Variants in PCDHGA7 observed in about 807,000 individuals in gnomAD.
PCDHGA7 encodes the protein protocadherin gamma subfamily A, 7, also known as protocadherin gamma-A7.
In PCDHGA7, 44 loss-of-function variants were observed where a neutral mutation model predicts 58.3. That is an observed-to-expected ratio of 0.75 (90% CI 0.59 to 0.97). The LOEUF is 0.97. PCDHGA7 is among the 50% of genes least tolerant of loss of function. PCDHGA7 has a pLI of 0.00. For synonymous variants in PCDHGA7, 516 were observed against 504.2 expected (o/e 1.02, Z -0.31); for missense variants, 1,266 against 1,188.7 (o/e 1.06, Z -0.96).
At chr5:141,456,702 C>T (rs1185842343) in intron 1 of PCDHGA7, among the ~76,000 whole-genome samples, 1 of 152,062 alleles carries the variant, frequency 6.6e-6, no homozygotes, top group Non-Finnish European at 1.5e-5. Flanking sequence ...TGGTGGCTCG[C>T]GCCTGTAATC....
Position 141,384,640 on chromosome 5 carries a change from T to C in PCDHGA7, c.1741T>C (p.Ser581Pro), listed in dbSNP as rs1780304566. Residue 581 changes from serine (S) to proline (P), a missense_variant, in exon 1 of 4, where the codon TCC becomes CCC. Ser to Pro is a moderately conservative substitution (Grantham distance 74, BLOSUM62 -1). Coordinates refer to ENST00000518325, the MANE Select transcript of PCDHGA7 (RefSeq NM_018920.4). ...GSTGMELAPR[S>P]AEPGYLVTKV... The stretch of plus-strand genomic sequence containing the variant: ...TACTGGCATGGAGCTGGCACCCCGC[T>C]CCGCAGAGCCCGGCTACCTGGTGAC... The C allele has an allele frequency of 6.2e-7, 1 of 1,613,956 alleles. No individual in the cohort carries two copies. The highest frequency in any genetic ancestry group is 1.7e-5 in the Admixed American group (1 of 60,000).
At position 141,432,247 on chromosome 5, in the gene PCDHGA7, C is replaced by G. The variant is rs139910620; in HGVS notation, c.2424+46924C>G. 61 of 1,614,264 alleles carry G rather than the reference C, an allele frequency of 3.8e-5. No homozygotes were observed. The African/African-American group carries it at 6.3e-4, about 17-fold the overall frequency. On this transcript the variant is annotated intron_variant, in intron 1 of 3. Transcript: ENST00000518325. The surrounding 1 kb of genome is among the most constrained non-coding windows in gnomAD (Gnocchi z 6.0). ...CTTATTCCCTGGCTGAGAACACCAT[C>G]CAAGGGGCAAGCCTATCGTCCTACG...
intron 1 of PCDHGA7, among the ~76,000 whole-genome samples, chr5:141,425,048 T>C (rs1590618422): frequency 6.6e-6 from 1 of 152,350 alleles, no homozygotes; most frequent in African/African-American, 2.4e-5. Flanking sequence ...AAACTGACTA[T>C]CTAGGGCTCG....
intron 1 of PCDHGA7, among the ~76,000 whole-genome samples, chr5:141,492,090 C>T (rs751238997): frequency 1.4e-4 from 21 of 152,258 alleles, no homozygotes; most frequent in Admixed American, 6.5e-5. Flanking sequence ...GCACGCTTCG[C>T]CGGTCTGTAG....
intron 1 of PCDHGA7, chr5:141,442,421 T>G (rs1288481455): frequency 1.3e-5 from 2 of 152,290 alleles, no homozygotes; most frequent in East Asian, 3.9e-4. Flanking sequence ...TGAACTTCTT[T>G]TTTGAATCCC....
intron 1 of PCDHGA7, 79 bp downstream of exon 1, chr5:141,385,402 T>A: frequency 6.7e-7 from 1 of 1,488,784 alleles, no homozygotes; most frequent in Non-Finnish European, 8.9e-7. Context: ...AACAAATGTT[T>A]TGAAAATAGG....
chr5:141,408,311 A>C (rs1467917610), intron 1 of PCDHGA7: 1 of 1,613,650 alleles, frequency 6.2e-7, no homozygotes, highest in African/African-American at 1.3e-5. Context: ...CCGCTACTCG[A>C]TTCCGGAGGA....
intron 2 of PCDHGA7, among the ~76,000 whole-genome samples, chr5:141,504,968 C>A (rs1377016827): frequency 1.3e-5 from 2 of 152,206 alleles, no homozygotes; most frequent in East Asian, 3.9e-4. Context: ...ATTGGACCAG[C>A]CTGGCCAACA....
At chr5:141,389,903 C>T in intron 1 of PCDHGA7, 1 of 1,614,092 alleles carries the variant, frequency 6.2e-7, no homozygotes, top group Non-Finnish European at 8.5e-7. Context: ...TGCCGGATAT[C>T]ACTGACCGCC....
intron 1 of PCDHGA7, chr5:141,415,543 G>A (rs1561758242): frequency 6.2e-7 from 1 of 1,614,130 alleles, no homozygotes; most frequent in East Asian, 2.2e-5. Context: ...GGAGAGCTGT[G>A]AGAAAAACGA....
intron 1 of PCDHGA7, chr5:141,415,642 A>T (rs1418546981): frequency 6.0e-6 from 5 of 831,836 alleles, no homozygotes; most frequent in Middle Eastern, 2.6e-4. Flanking sequence ...TACTTTTGTT[A>T]AAAAAAAAAA....
rs2099606006 is a variant in PCDHGA7, at chr5:141,485,058, G to A, written c.2425-9749G>A. Reference sequence around the variant, plus strand: ...TAACCCTTGCGGCGCCGGCCGAACCGCGCCAGAGCTGGCGCGGGGAAAGGG... The same window carrying A: ...TAACCCTTGCGGCGCCGGCCGAACCACGCCAGAGCTGGCGCGGGGAAAGGG... On this transcript the variant is annotated intron_variant, in intron 1 of 3. Coordinates refer to ENST00000518325, the MANE Select transcript of PCDHGA7 (RefSeq NM_018920.4). The surrounding 1 kb of genome is among the most constrained non-coding windows in gnomAD (Gnocchi z 5.7). 1 of 848,828 alleles carries A rather than the reference G, an allele frequency of 1.2e-6. No individual in the cohort carries two copies. The highest frequency in any genetic ancestry group is 1.9e-6 in the Non-Finnish European group (1 of 529,084). The allele number at this position is 848,828 out of a possible 1,614,324, so 52.6% of individuals were successfully genotyped here.
Position 141,397,579 on chromosome 5 carries a change from A to G in PCDHGA7, c.2424+12256A>G, listed in dbSNP as rs73279085. Among the ~76,000 whole-genome samples, 1,264 of 152,334 alleles carry G rather than the reference A, an allele frequency of 8.3e-3. 17 individuals are homozygous for G. Among genetic ancestry groups the G allele is most frequent in the African/African-American group, 0.029 (1,200 of 41,570 alleles). On this transcript the variant is annotated intron_variant, in intron 1 of 3. Coordinates refer to ENST00000518325, the MANE Select transcript of PCDHGA7 (RefSeq NM_018920.4). ...AGGCTCTGAGAGCAAGAACTGTATCATATTAATTATTATATTGCCAGTGAC... is the reference window on the plus strand; with the variant it reads ...AGGCTCTGAGAGCAAGAACTGTATCGTATTAATTATTATATTGCCAGTGAC...
At position 141,487,547 on chromosome 5, in the gene PCDHGA7, A is replaced by G. The variant is rs2099649592; in HGVS notation, c.2425-7260A>G. On this transcript the variant is annotated intron_variant, in intron 1 of 3. Coordinates refer to ENST00000518325, the MANE Select transcript of PCDHGA7 (RefSeq NM_018920.4). The surrounding 1 kb of genome is among the most constrained non-coding windows in gnomAD (Gnocchi z 5.0). ...TAGCTTCATGATGGTGAAGTCACCC[A>G]GTGCACCTATGGCAGGGGAGCCTGT... 2 of 1,614,216 alleles carry G rather than the reference A, an allele frequency of 1.2e-6. No individual in the cohort carries two copies. Among genetic ancestry groups the G allele is most frequent in the Non-Finnish European group, 8.5e-7 (1 of 1,180,046 alleles).
chr5:141,409,883 C>T lies in PCDHGA7; in HGVS notation c.2424+24560C>T, dbSNP rs530193346. 1.2e-6 allele frequency: 2 copies of T among 1,612,988 alleles called. No individual in the cohort carries two copies. The highest frequency in any genetic ancestry group is 3.3e-5 in the Admixed American group (2 of 59,964). ...GGGAGACCGCAATGACAACGCACCGCGGGTGCTGTACCCAGCTCTGGGTCC... is the reference window on the plus strand; with the variant it reads ...GGGAGACCGCAATGACAACGCACCGTGGGTGCTGTACCCAGCTCTGGGTCC... On this transcript the variant is annotated intron_variant, in intron 1 of 3. Transcript: ENST00000518325.
intron 1 of PCDHGA7, chr5:141,416,685 A>T (rs1292141199): frequency 1.3e-5 from 2 of 152,384 alleles, no homozygotes; most frequent in East Asian, 3.9e-4. Flanking sequence ...AAGGGAAATT[A>T]TATAAACAAA....
chr5:141,487,312 TAA>T lies in PCDHGA7; in HGVS notation c.2425-7494_2425-7493del, dbSNP rs1464336630. ...TTGGCTCATTCGTGGCACTACTCTC[TAA>T]GTGTCTTCGTGGGGCAGCCTGTGGA... On this transcript the variant is annotated intron_variant, in intron 1 of 3. Transcript: ENST00000518325. The surrounding 1 kb of genome is among the most constrained non-coding windows in gnomAD (Gnocchi z 5.0). 1 of 1,614,158 alleles carries T rather than the reference TAA, an allele frequency of 6.2e-7. No homozygotes were observed. Among genetic ancestry groups the T allele is most frequent in the African/African-American group, 1.3e-5 (1 of 75,056 alleles).
chr5:141,480,414 CAA>C (rs10712552), intron 1 of PCDHGA7, among the ~76,000 whole-genome samples: 346 of 147,498 alleles, frequency 2.3e-3, no homozygotes, highest in African/African-American at 8.3e-3. Flanking sequence ...GACCCTGTCT[CAA>C]AAAAAAAAAT....
chr5:141,484,647 G>C (rs556711906), intron 1 of PCDHGA7, among the ~76,000 whole-genome samples: 1 of 151,948 alleles, frequency 6.6e-6, no homozygotes, highest in African/African-American at 2.4e-5. Context: ...CTCTCCAATG[G>C]CTACTCTCCC....
Sources: gnomAD v4.1 joint callset for allele counts (sites outside exome capture counted in the v4.1 genomes callset) on GRCh38, gnomAD v4.1.1 for gene constraint, Gnocchi (gnomAD v3.1) non-coding constraint, MANE v1.5 for transcripts, NCBI Gene and HGNC (gene_info 2026-07-23, HGNC 2026-07-21) for gene names.